The following PDZRN3 variants were observed in gnomAD, a reference collection of about 807,000 sequenced individuals.
PDZRN3 encodes PDZ domain containing ring finger 3.
Under a neutral mutation model 85.7 loss-of-function variants are expected in PDZRN3, and 38 were observed. The ratio of observed to expected loss-of-function variants is 0.44; its 90% CI spans 0.34 to 0.58. The LOEUF (loss-of-function observed/expected upper bound fraction) is 0.58. PDZRN3 is among the 20% of genes least tolerant of loss of function. PDZRN3 has a pLI of 0.01. For missense variants in PDZRN3, 1,629 were observed against 1,506.4 expected (o/e 1.08, Z -1.35); for synonymous variants, 759 against 638.0 (o/e 1.19, Z -2.86).
At chr3:73,451,720 C>T (rs74709863) in intron 3 of PDZRN3, among the ~76,000 whole-genome samples, 2,991 of 152,274 alleles carry the variant, frequency 0.02, 104 homozygotes, top group African/African-American at 0.067. Context: ...AACATCGCTT[C>T]CCCTTTCTTA....
intron 3 of PDZRN3, among the ~76,000 whole-genome samples, chr3:73,473,769 G>C (rs1288572622): frequency 1.3e-5 from 2 of 152,194 alleles, no homozygotes; most frequent in African/African-American, 4.8e-5. Flanking sequence ...CTTGCCAAGA[G>C]CCATGGGAGT....
chr3:73,596,363 C>CA (rs1702430265), intron 3 of PDZRN3, among the ~76,000 whole-genome samples: 1 of 152,170 alleles, frequency 6.6e-6, no homozygotes, highest in Non-Finnish European at 1.5e-5. Flanking sequence ...CAACCAAACA[C>CA]AGTCAATGGA....
At chr3:73,579,433 G>A (rs1702166948) in intron 3 of PDZRN3, among the ~76,000 whole-genome samples, 2 of 152,186 alleles carry the variant, frequency 1.3e-5, no homozygotes, top group Non-Finnish European at 2.9e-5. Flanking sequence ...ATCATAAAGA[G>A]TAATCAATTT....
In PDZRN3 at chr3:73,384,414, A is replaced by C; in HGVS notation, c.2152T>G (p.Ser718Ala). ...MQQLKEQYRE[S>A]WMLHNSGFRN... Reference sequence around the variant, plus strand: ...AAGCCGCTGTTGTGCAGCATCCAGGACTCGCGGTACTGCTCCTTGAGCTGC... The same window carrying C: ...AAGCCGCTGTTGTGCAGCATCCAGGCCTCGCGGTACTGCTCCTTGAGCTGC... The change falls in exon 10 of 10, where the codon TCC becomes GCC. Residue 718 changes from serine (S) to alanine (A), a missense_variant. Physicochemically the swap from Ser to Ala is moderately conservative, Grantham distance 99 (BLOSUM62 1). Transcript: ENST00000263666. 2 of 1,610,110 alleles carry C rather than the reference A, an allele frequency of 1.2e-6. No individual in the cohort carries two copies. The highest frequency in any genetic ancestry group is 8.5e-7 in the Non-Finnish European group (1 of 1,179,914).
chr3:73,397,088 C>T (rs775179545), intron 5 of PDZRN3, among the ~76,000 whole-genome samples: 4 of 148,942 alleles, frequency 2.7e-5, no homozygotes, highest in Non-Finnish European at 5.9e-5. Flanking sequence ...GGCTGGAGTG[C>T]GGTGGCACAA....
At chr3:73,623,162 T>C (rs1051224794) in intron 1 of PDZRN3, among the ~76,000 whole-genome samples, 2 of 152,158 alleles carry the variant, frequency 1.3e-5, no homozygotes, top group African/African-American at 4.8e-5. Flanking sequence ...TAGGTAACAC[T>C]TGTTGAGCAT....
intron 3 of PDZRN3, among the ~76,000 whole-genome samples, chr3:73,508,163 G>A (rs886823307): frequency 3.3e-5 from 5 of 152,078 alleles, no homozygotes; most frequent in Admixed American, 2.6e-4. Flanking sequence ...GACTAGAAAT[G>A]TACTTCAAAA....
chr3:73,562,983 TTA>T (rs56679097), intron 3 of PDZRN3, among the ~76,000 whole-genome samples: 23 of 18,960 alleles, frequency 1.2e-3, no homozygotes, highest in Middle Eastern at 0.045. Context: ...AGTTGGCAAA[TTA>T]TATATATATA....
intron 3 of PDZRN3, among the ~76,000 whole-genome samples, chr3:73,489,233 C>A (rs1413254122): frequency 6.6e-6 from 1 of 152,178 alleles, no homozygotes; most frequent in Non-Finnish European, 1.5e-5. Context: ...TAGCAAATAG[C>A]AGGACAGGGA....
chr3:73,602,480 AAC>A lies in PDZRN3; in HGVS notation c.811-21_811-20del. The A allele has an allele frequency of 1.6e-6, 2 of 1,231,996 alleles. No individual in the cohort carries two copies. Among genetic ancestry groups the A allele is most frequent in the South Asian group, 1.2e-5 (1 of 80,414 alleles). The allele number at this position is 1,231,996 out of a possible 1,614,324, so 76.3% of individuals were successfully genotyped here. Reference sequence around the variant, plus strand: ...GGTTATCCTTTGGGTTAAAAAAAAAAACATGCATGAATGCTAGGCATTAAGTT... The same window carrying A: ...GGTTATCCTTTGGGTTAAAAAAAAAAATGCATGAATGCTAGGCATTAAGTT... On this transcript the variant is annotated intron_variant, in intron 2 of 9. Transcript: ENST00000263666.
chr3:73,433,849 TCA>T (rs1323503541), intron 3 of PDZRN3: 4 of 1,446,216 alleles, frequency 2.8e-6, no homozygotes, highest in Non-Finnish European at 2.7e-6. Flanking sequence ...GGCGCTGCTC[TCA>T]GAGGCTAGAC....
rs563428366 is a variant in PDZRN3 at position 73,418,231 on chromosome 3, C to T, written c.919-13836G>A. On this transcript the variant is annotated intron_variant, in intron 3 of 9. Transcript: ENST00000263666. ...TAAAAATAAGAATGGTGGGTTAATA[C>T]CTTATCTTAGCCGCACAGAACACCT... Among the ~76,000 whole-genome samples, 7 of 152,178 alleles carry T rather than the reference C, an allele frequency of 4.6e-5. No individual in the cohort carries two copies. In the East Asian group the frequency reaches 1.4e-3, roughly 29 times the overall value.
intron 3 of PDZRN3, among the ~76,000 whole-genome samples, chr3:73,514,282 A>C (rs1183089670): frequency 6.6e-6 from 1 of 152,204 alleles, no homozygotes; most frequent in Non-Finnish European, 1.5e-5. Context: ...GATGACCCTA[A>C]ACTACTCTTC....
At chr3:73,480,183 A>G (rs1419681557) in intron 3 of PDZRN3, among the ~76,000 whole-genome samples, 1 of 152,216 alleles carries the variant, frequency 6.6e-6, no homozygotes, top group Non-Finnish European at 1.5e-5. Context: ...CCCTGATTCT[A>G]AAACCACTGG....
In PDZRN3 at chr3:73,561,396, A is replaced by C. The variant is rs79717106; in HGVS notation, c.918+40958T>G. ...TTTGTCCAGTGGCTACAATGAAATG[A>C]GCATTCCAGCTGATTCCACAGCATG... On this transcript the variant is annotated intron_variant, in intron 3 of 9. Transcript: ENST00000263666. The C allele has an allele frequency of 2.0e-5, 3 of 152,328 alleles. No homozygotes were observed. The East Asian group carries it at 5.8e-4, about 29-fold the overall frequency. The allele number at this position is 152,328 out of a possible 1,614,324, so 9.4% of individuals were successfully genotyped here.
rs547479702 is a variant in PDZRN3, at chr3:73,429,413, C to T, written c.919-25018G>A. On this transcript the variant is annotated intron_variant, in intron 3 of 9. Coordinates refer to ENST00000263666, the MANE Select transcript of PDZRN3 (RefSeq NM_015009.3). ...TTAACCGTCATTAATTGGGTCCATA[C>T]TTAATCGAACCGTGACCCATCTGAC... is the stretch of plus-strand genomic sequence containing the variant. Among the ~76,000 whole-genome samples the T allele has an allele frequency of 2.6e-5, 4 of 152,292 alleles. No individual in the cohort carries two copies. In the East Asian group the frequency reaches 5.8e-4, roughly 22 times the overall value.
chr3:73,518,750 G>A (rs920576969), intron 3 of PDZRN3, among the ~76,000 whole-genome samples: 1 of 152,100 alleles, frequency 6.6e-6, no homozygotes, highest in African/African-American at 2.4e-5. Context: ...TCTTCACATG[G>A]TGGAAAGGAC....
In PDZRN3 at chr3:73,624,390, A is replaced by G. The variant is rs1027310714; in HGVS notation, c.436T>C (p.Cys146Arg). 1.5e-6 allele frequency: 2 copies of G among 1,311,072 alleles called. No individual in the cohort carries two copies. Among genetic ancestry groups the G allele is most frequent in the Non-Finnish European group, 1.9e-6 (2 of 1,036,042 alleles). 81.2% of individuals were successfully genotyped at this position (1,311,072 alleles called of 1,614,324 possible). The change falls in exon 1 of 10, where the codon TGC becomes CGC. Residue 146 changes from cysteine to arginine, a missense_variant. Cys to Arg is a radical substitution (Grantham distance 180). Coordinates refer to ENST00000263666, the MANE Select transcript of PDZRN3 (RefSeq NM_015009.3). Reference protein sequence around the residue: ...ARPVGRCQEGCGLPLTHGEQR... With the variant: ...ARPVGRCQEGRGLPLTHGEQR... ...TCGCCGTGCGTCAAGGGTAGCCCGC[A>G]GCCCTCCTGGCAGCGGCCCACTGGC...
chr3:73,443,910 T>C (rs9833139), intron 3 of PDZRN3, among the ~76,000 whole-genome samples: 3,606 of 152,270 alleles, frequency 0.024, 160 homozygotes, highest in African/African-American at 0.082. Context: ...AAAATTACTA[T>C]AAAAATAATC....
Sources: allele counts gnomAD v4.1 joint callset (sites outside exome capture counted in the v4.1 genomes callset), GRCh38; gene constraint gnomAD v4.1.1; transcripts MANE v1.5; gene names NCBI Gene and HGNC (gene_info 2026-07-23, HGNC 2026-07-21).